Variants in FOXK2 observed in about 807,000 individuals in gnomAD.
FOXK2 encodes forkhead box protein K2.
A neutral mutation model predicts 53.3 loss-of-function variants in FOXK2; 24 were observed. The observed-to-expected ratio is 0.45, with a 90% CI of 0.33 to 0.63. The LOEUF (loss-of-function observed/expected upper bound fraction) is 0.63. Ranked by LOEUF, FOXK2 falls within the 30% of genes least tolerant of loss-of-function variation. The probability of loss-of-function intolerance (pLI) is 0.03; values close to 1 mark genes in which losing one functional copy is unlikely to be tolerated. For missense variants in FOXK2, 952 were observed against 910.5 expected, an observed-to-expected ratio of 1.05 and a Z score of -0.59; for synonymous variants, 505 against 407.1, an observed-to-expected ratio of 1.24 and a Z score of -2.89.
At position 82,561,615 on chromosome 17, in the gene FOXK2, C is replaced by T. The variant is rs12453871; in HGVS notation, c.420-1739C>T. Among the ~76,000 whole-genome samples the T allele has an allele frequency of 4.1e-3, 629 of 152,196 alleles. 10 individuals carry two copies. Among genetic ancestry groups the T allele is most frequent in the Admixed American group, 0.026 (402 of 15,298 alleles). ...ACCGTGGGGAGGACTGGCCGTCCTG[C>T]GTGTGCCTCACGGGGAAAGGAGAAG... On this transcript the variant is annotated intron_variant, in intron 1 of 8. Transcript: ENST00000335255.
At position 82,545,523 on chromosome 17, in the gene FOXK2, T is replaced by C. The variant is rs1392368297; in HGVS notation, c.420-17831T>C. 2.6e-5 allele frequency among the ~76,000 whole-genome samples: 4 copies of C among 152,260 alleles called. No individual in the cohort carries two copies. In the East Asian group the frequency reaches 7.7e-4, roughly 29 times the overall value. Reference sequence around the variant, plus strand: ...TTAAAGTAATTTTATTTGGGGCTATTATGAATAATGCTGTTGTGAATATTC... The same window carrying C: ...TTAAAGTAATTTTATTTGGGGCTATCATGAATAATGCTGTTGTGAATATTC... On this transcript the variant is annotated intron_variant, in intron 1 of 8. Coordinates refer to ENST00000335255, the MANE Select transcript of FOXK2 (RefSeq NM_004514.4).
intron 4 of FOXK2, chr17:82,577,003 T>TA (rs2044995067): frequency 2.5e-6 from 1 of 398,680 alleles, no homozygotes; most frequent in Non-Finnish European, 4.6e-6. Context: ...CTACTAAAAA[T>TA]ACAATATTAT....
At chr17:82,540,277 C>G (rs2044561810) in intron 1 of FOXK2, among the ~76,000 whole-genome samples, 1 of 137,064 alleles carries the variant, frequency 7.3e-6, no homozygotes, top group Admixed American at 7.2e-5. Context: ...GCGAAACTGT[C>G]TCAAAAAAAA....
At chr17:82,520,868 A>T (rs938088329) in intron 1 of FOXK2, among the ~76,000 whole-genome samples, 2 of 152,188 alleles carry the variant, frequency 1.3e-5, no homozygotes, top group East Asian at 3.8e-4. Context: ...CGCTTCAAGC[A>T]TGATGGATTT....
At chr17:82,579,450 C>A (rs1181366155) in intron 4 of FOXK2, among the ~76,000 whole-genome samples, 11 of 152,126 alleles carry the variant, frequency 7.2e-5, no homozygotes, top group African/African-American at 2.7e-4. Flanking sequence ...CATGGCCTAG[C>A]CCACCTCTTC....
intron 1 of FOXK2, among the ~76,000 whole-genome samples, chr17:82,555,820 G>A (rs1463324453): frequency 2.7e-5 from 4 of 148,082 alleles, no homozygotes; most frequent in Non-Finnish European, 4.5e-5. Flanking sequence ...CCTGGGAGGC[G>A]GAGCTTGCAG....
chr17:82,574,742 T>C (rs555080051), intron 4 of FOXK2, among the ~76,000 whole-genome samples: 2 of 152,350 alleles, frequency 1.3e-5, no homozygotes, highest in Admixed American at 1.3e-4. Flanking sequence ...TCAGACCTTA[T>C]TCTGACTTCC....
At chr17:82,524,980 C>T (rs1467862099) in intron 1 of FOXK2, among the ~76,000 whole-genome samples, 10 of 138,268 alleles carry the variant, frequency 7.2e-5, no homozygotes, top group African/African-American at 1.9e-4. Flanking sequence ...GACAAGGTGG[C>T]TTTTTTTTTT....
chr17:82,549,340 C>G (rs1010795018), intron 1 of FOXK2, among the ~76,000 whole-genome samples: 2 of 151,496 alleles, frequency 1.3e-5, no homozygotes, highest in Admixed American at 6.6e-5. Flanking sequence ...GGGCCAAAAC[C>G]CCCAAAATTA....
At chr17:82,578,882 G>C (rs556935012) in intron 4 of FOXK2, among the ~76,000 whole-genome samples, 2 of 152,300 alleles carry the variant, frequency 1.3e-5, no homozygotes, top group African/African-American at 4.8e-5. Flanking sequence ...CATGGCTGGA[G>C]TATGGCCCCA....
At chr17:82,553,425 A>G (rs2044695372) in intron 1 of FOXK2, among the ~76,000 whole-genome samples, 1 of 152,252 alleles carries the variant, frequency 6.6e-6, no homozygotes. Flanking sequence ...TCAGAGTGGG[A>G]CTGCCTGGGA....
chr17:82,581,891 G>A (rs1269125630), intron 4 of FOXK2, among the ~76,000 whole-genome samples: 1 of 152,124 alleles, frequency 6.6e-6, no homozygotes, highest in Non-Finnish European at 1.5e-5. Flanking sequence ...AAAGAATGAT[G>A]CACTGATGAG....
At chr17:82,541,015 G>A (rs1452713155) in intron 1 of FOXK2, among the ~76,000 whole-genome samples, 1 of 152,070 alleles carries the variant, frequency 6.6e-6, no homozygotes, top group Non-Finnish European at 1.5e-5. Context: ...GCGTGTGGCT[G>A]CTGCTTCATT....
chr17:82,563,137 T>A (rs1483747679), intron 1 of FOXK2, among the ~76,000 whole-genome samples: 1 of 152,108 alleles, frequency 6.6e-6, no homozygotes, highest in Non-Finnish European at 1.5e-5. Flanking sequence ...CCTGTATGGC[T>A]GGTCTAAGTA....
intron 1 of FOXK2, among the ~76,000 whole-genome samples, chr17:82,558,592 T>A (rs1246064564): frequency 1.3e-5 from 2 of 152,196 alleles, no homozygotes; most frequent in Non-Finnish European, 2.9e-5. Flanking sequence ...TCTTTCCCTG[T>A]TGGAATTGTG....
In FOXK2 at chr17:82,601,368, C is replaced by T; in HGVS notation, c.1852C>T (p.Arg618Cys). 4 of 1,613,382 alleles carry T rather than the reference C, an allele frequency of 2.5e-6. No homozygotes were observed. The highest frequency in any genetic ancestry group is 3.4e-6 in the Non-Finnish European group (4 of 1,180,038). Residue 618 changes from arginine (R) to cysteine (C), a missense_variant, in exon 9 of 9, where the codon CGC (arginine) becomes TGC (cysteine). This residue lies in a region of FOXK2 where 551 missense variants were observed against 385.1 expected (regional missense o/e 1.43). Coordinates refer to ENST00000335255, the MANE Select transcript of FOXK2 (RefSeq NM_004514.4). The part of the protein sequence containing the change: ...ASASASLPTK[R>C]HNGDQPEQPE... Reference sequence around the variant, plus strand: ...CGCATCGGCCTCCCTGCCCACAAAGCGCCACAACGGTGACCAGCCGGAGCA... The same window carrying T: ...CGCATCGGCCTCCCTGCCCACAAAGTGCCACAACGGTGACCAGCCGGAGCA...
rs138412029 is a variant in FOXK2 at position 82,586,033 on chromosome 17, C to T, written c.1409C>T (p.Thr470Met). The T allele has an allele frequency of 1.5e-4, 239 of 1,612,718 alleles. 1 individual carries two copies. The highest frequency in any genetic ancestry group is 1.9e-4 in the South Asian group (17 of 91,090). The change falls in exon 7 of 9, where the codon ACG (threonine) becomes ATG (methionine). Residue 470 changes from threonine (T) to methionine (M), a missense_variant. Around this residue, in one of 5 missense-constraint regions of FOXK2, gnomAD observed 551 missense variants for 385.1 expected, o/e 1.43. Transcript: ENST00000335255. ...TSTSQPPVVQTVHVVHQIPAV... is the reference protein window; with the variant it reads ...TSTSQPPVVQMVHVVHQIPAV... The stretch of plus-strand genomic sequence containing the variant: ...ACCTCCCAGCCACCCGTCGTGCAGA[C>T]GGTTCACGTCGTCCACCAGATCCCA...
chr17:82,571,189 C>G (rs1396104879), intron 3 of FOXK2, among the ~76,000 whole-genome samples: 2 of 152,100 alleles, frequency 1.3e-5, no homozygotes, highest in Non-Finnish European at 2.9e-5. Context: ...GGTCAAGCAG[C>G]CTTTATGTCT....
In FOXK2 at chr17:82,604,252, C is replaced by T. The variant is rs948337543; in HGVS notation, c.*2753C>T. The T allele has an allele frequency of 6.6e-6, 1 of 151,040 alleles. No individual in the cohort carries two copies. Among genetic ancestry groups the T allele is most frequent in the African/African-American group, 2.5e-5 (1 of 40,180 alleles). The allele number at this position is 151,040 out of a possible 1,614,324, so 9.4% of individuals were successfully genotyped here. On this transcript the variant is annotated 3_prime_UTR_variant, in exon 9 of 9. Transcript: ENST00000335255. ...AAACAAAAGGGAACTCCCGTATGACCCACGTCACGTGGTGCACTCAGAGTG... is the reference window on the plus strand; with the variant it reads ...AAACAAAAGGGAACTCCCGTATGACTCACGTCACGTGGTGCACTCAGAGTG...
Sources: allele counts gnomAD v4.1 joint callset (sites outside exome capture counted in the v4.1 genomes callset), GRCh38; gene constraint gnomAD v4.1.1; regional missense constraint gnomAD v4.1.1; transcripts MANE v1.5; gene names NCBI Gene and HGNC (gene_info 2026-07-23, HGNC 2026-07-21).